The following METTL25 variants were observed in gnomAD, a reference collection of about 807,000 sequenced individuals.
METTL25 encodes methyltransferase like 25.
A neutral mutation model predicts 71.6 loss-of-function variants in METTL25; 64 were observed. The ratio of observed to expected loss-of-function variants is 0.89; its 90% CI spans 0.73 to 1.10. The LOEUF is 1.10. METTL25 is among the 50% of genes least tolerant of loss of function. The probability of loss-of-function intolerance (pLI) is 0.00; values close to 1 mark genes in which losing one functional copy is unlikely to be tolerated. For missense variants in METTL25, 807 were observed against 707.0 expected, an observed-to-expected ratio of 1.14 and a Z score of -1.60; for synonymous variants, 287 against 250.3, an observed-to-expected ratio of 1.15 and a Z score of -1.38.
chr12:82,383,235 C>T (rs906168456), intron 1 of METTL25, among the ~76,000 whole-genome samples: 3 of 151,848 alleles, frequency 2.0e-5, no homozygotes, highest in African/African-American at 4.8e-5. Context: ...AGTGCAGTGG[C>T]GCGTTCTCGG....
chr12:82,363,236 T>G (rs1004921628), intron 1 of METTL25, among the ~76,000 whole-genome samples: 2 of 152,248 alleles, frequency 1.3e-5, no homozygotes, highest in Non-Finnish European at 2.9e-5. Flanking sequence ...AAAAAACTTT[T>G]GAGAGGCAGA....
intron 1 of METTL25, chr12:82,374,448 G>A (rs1290700084): frequency 6.6e-6 from 1 of 152,242 alleles, no homozygotes; most frequent in African/African-American, 2.4e-5. Context: ...TAGACACAGA[G>A]TGCTGATTGG....
At chr12:82,366,543 T>C (rs1166264689) in intron 1 of METTL25, among the ~76,000 whole-genome samples, 3 of 152,182 alleles carry the variant, frequency 2.0e-5, no homozygotes, top group Non-Finnish European at 4.4e-5. Context: ...TGTATGTCCA[T>C]GATAGATTAT....
chr12:82,475,857 AC>A (rs1322530249), intron 9 of METTL25, among the ~76,000 whole-genome samples: 1 of 152,068 alleles, frequency 6.6e-6, no homozygotes, highest in African/African-American at 2.4e-5. Flanking sequence ...TTATATACTT[AC>A]CATTTGAGCA....
intron 6 of METTL25, 124 bp downstream of exon 6, chr12:82,431,111 T>G (rs748628964): frequency 1.0e-5 from 5 of 486,548 alleles, no homozygotes; most frequent in Non-Finnish European, 1.9e-5. Context: ...CTTTTGTGCA[T>G]TGGAAATTAT....
chr12:82,399,195 C>T lies in METTL25; in HGVS notation c.932C>T (p.Ser311Phe), dbSNP rs749469219. Residue 311 changes from serine (S) to phenylalanine (F), a missense_variant, in exon 4 of 12, where the codon TCC (serine) becomes TTC (phenylalanine). Ser to Phe is a radical substitution (Grantham distance 155, BLOSUM62 -2). Transcript: ENST00000248306. Reference protein sequence around the residue: ...HQEENLCFENSFSLINLLPIN... With the variant: ...HQEENLCFENFFSLINLLPIN... ...GAAGAAAATTTGTGTTTTGAAAATT[C>T]CTTTTCTCTTATAAACCTTTTGCCT... 7.4e-6 allele frequency: 12 copies of T among 1,613,196 alleles called. No homozygotes were observed. The highest frequency in any genetic ancestry group is 1.0e-5 in the Non-Finnish European group (12 of 1,179,670).
intron 2 of METTL25, chr12:82,388,769 C>T (rs945146627): frequency 1.9e-4 from 29 of 152,098 alleles, no homozygotes; most frequent in African/African-American, 6.8e-4. Context: ...CTATATTCCC[C>T]ATCCTGGAGT....
intron 1 of METTL25, among the ~76,000 whole-genome samples, chr12:82,366,944 T>C (rs117037981): frequency 1.1e-3 from 162 of 152,340 alleles, no homozygotes; most frequent in Non-Finnish European, 2.0e-3. Flanking sequence ...TCTGTAATCA[T>C]AAGTAAGAGA....
At chr12:82,377,589 C>G (rs1176612486) in intron 1 of METTL25, among the ~76,000 whole-genome samples, 2 of 151,990 alleles carry the variant, frequency 1.3e-5, no homozygotes, top group Non-Finnish European at 2.9e-5. Context: ...GAAATTTAGT[C>G]TACCAGTGAA....
intron 1 of METTL25, among the ~76,000 whole-genome samples, chr12:82,383,661 C>T (rs1171159942): frequency 6.6e-6 from 1 of 152,084 alleles, no homozygotes; most frequent in Non-Finnish European, 1.5e-5. Context: ...CCTTAAAGTG[C>T]TGTATAACAT....
chr12:82,402,266 C>T (rs1162908862), intron 4 of METTL25, among the ~76,000 whole-genome samples: 1 of 151,358 alleles, frequency 6.6e-6, no homozygotes, highest in Non-Finnish European at 1.5e-5. Flanking sequence ...AGTAGAAATA[C>T]CAAGTTTACA....
intron 5 of METTL25, among the ~76,000 whole-genome samples, chr12:82,419,926 C>A (rs1208258751): frequency 6.6e-6 from 1 of 152,122 alleles, no homozygotes; most frequent in Non-Finnish European, 1.5e-5. Flanking sequence ...TTTATGACAG[C>A]ATTATTCACA....
At chr12:82,421,311 T>C (rs1182870157) in intron 5 of METTL25, among the ~76,000 whole-genome samples, 1 of 152,098 alleles carries the variant, frequency 6.6e-6, no homozygotes, top group Non-Finnish European at 1.5e-5. Flanking sequence ...ATTTATAGAT[T>C]TGAGGAAAAT....
At chr12:82,445,787 C>T (rs1184335905) in intron 8 of METTL25, among the ~76,000 whole-genome samples, 1 of 152,200 alleles carries the variant, frequency 6.6e-6, no homozygotes, top group Admixed American at 6.5e-5. Context: ...ATGAATCCAG[C>T]ATAAGGACTA....
chr12:82,377,865 A>T (rs1218735882), intron 1 of METTL25, among the ~76,000 whole-genome samples: 1 of 152,240 alleles, frequency 6.6e-6, no homozygotes, highest in Non-Finnish European at 1.5e-5. Context: ...ACAAATATTC[A>T]CAAAACTTTA....
intron 5 of METTL25, among the ~76,000 whole-genome samples, chr12:82,421,050 C>CA (rs1210944237): frequency 2.0e-5 from 3 of 151,966 alleles, no homozygotes; most frequent in East Asian, 3.9e-4. Context: ...TTAGTACAGA[C>CA]GGGGTTTCGC....
chr12:82,421,137 T>C (rs947453466), intron 5 of METTL25, among the ~76,000 whole-genome samples: 5 of 152,178 alleles, frequency 3.3e-5, no homozygotes, highest in Middle Eastern at 3.4e-3. Flanking sequence ...GCTGGAATTA[T>C]AGGCGTGAGC....
chr12:82,361,849 C>G (rs943511253), intron 1 of METTL25, among the ~76,000 whole-genome samples: 1 of 152,220 alleles, frequency 6.6e-6, no homozygotes, highest in South Asian at 2.1e-4. Context: ...CCTCGGCCAG[C>G]CTAGAGAAGG....
chr12:82,361,155 A>G (rs1881814931), intron 1 of METTL25, among the ~76,000 whole-genome samples: 4 of 152,142 alleles, frequency 2.6e-5, no homozygotes. Context: ...CAGGGTGCTG[A>G]TTGGTGCATT....
Sources: gnomAD v4.1 joint callset for allele counts (sites outside exome capture counted in the v4.1 genomes callset) on GRCh38, gnomAD v4.1.1 for gene constraint, MANE v1.5 for transcripts, NCBI Gene and HGNC (gene_info 2026-07-23, HGNC 2026-07-21) for gene names.